The following ATE1 variants were observed in gnomAD, a reference collection of about 807,000 sequenced individuals.
ATE1 encodes the protein arginyltransferase 1.
A neutral mutation model predicts 70.5 loss-of-function variants in ATE1; 36 were observed. That is an observed-to-expected ratio of 0.51 (90% CI 0.39 to 0.67). ATE1 has a LOEUF of 0.67. Ranked by LOEUF, ATE1 falls within the 30% of genes least tolerant of loss-of-function variation. The pLI, the probability that ATE1 is intolerant of heterozygous loss-of-function variation, is 0.00. For synonymous variants in ATE1, 232 were observed against 219.3 expected, an observed-to-expected ratio of 1.06 and a Z score of -0.51; for missense variants, 593 against 629.5, an observed-to-expected ratio of 0.94 and a Z score of 0.62.
chr10:121,767,422 A>G (rs1945322661), intron 11 of ATE1, among the ~76,000 whole-genome samples: 1 of 152,190 alleles, frequency 6.6e-6, no homozygotes, highest in South Asian at 2.1e-4. Context: ...ACTAAAAGGC[A>G]GACAGACTGT....
rs115805588 is a variant in ATE1, at chr10:121,908,821, A to G, written c.583+2085T>C. Among the ~76,000 whole-genome samples the G allele has an allele frequency of 7.8e-3, 1,194 of 152,362 alleles. 17 individuals carry two copies. Among genetic ancestry groups the G allele is most frequent in the African/African-American group, 0.028 (1,154 of 41,586 alleles). ...CAAAAAAATAGACAAAAGAAAATTTAGCCTAGAATCTGATCAAGGCTCTAT... is the reference window on the plus strand; with the variant it reads ...CAAAAAAATAGACAAAAGAAAATTTGGCCTAGAATCTGATCAAGGCTCTAT... On this transcript the variant is annotated intron_variant, in intron 5 of 11. Transcript: ENST00000224652.
chr10:121,859,575 AT>A (rs1241026848), intron 8 of ATE1, among the ~76,000 whole-genome samples: 1 of 152,210 alleles, frequency 6.6e-6, no homozygotes, highest in African/African-American at 2.4e-5. Context: ...GATGTAATTA[AT>A]ATGATGGTTC....
Position 121,792,529 on chromosome 10 carries a change from G to A in ATE1, c.1258-2240C>T, listed in dbSNP as rs889734179. ...ACAGCAGTAGAAGGCCATCTACCAC[G>A]GGCAGCTCCAGGTGGTCTACAGACG... On this transcript the variant is annotated intron_variant, in intron 10 of 11. Transcript: ENST00000224652. Among the ~76,000 whole-genome samples, 16 of 152,252 alleles carry A rather than the reference G, an allele frequency of 1.1e-4. 1 individual carries two copies. Among genetic ancestry groups the A allele is most frequent in the Middle Eastern group, 3.4e-3 (1 of 294 alleles).
chr10:121,878,183 A>T (rs1950115510), intron 7 of ATE1, among the ~76,000 whole-genome samples: 1 of 152,230 alleles, frequency 6.6e-6, no homozygotes, highest in South Asian at 2.1e-4. Context: ...CAGTGATAGA[A>T]GGGTAGTTAA....
At chr10:121,746,391 G>A (rs868652100) in intron 11 of ATE1, among the ~76,000 whole-genome samples, 6 of 152,134 alleles carry the variant, frequency 3.9e-5, no homozygotes, top group South Asian at 2.1e-4. Context: ...AGACTTTCAC[G>A]CTGGGACACA....
intron 10 of ATE1, among the ~76,000 whole-genome samples, chr10:121,830,846 T>C (rs971330791): frequency 5.3e-5 from 8 of 152,310 alleles, no homozygotes; most frequent in Non-Finnish European, 1.2e-4. Flanking sequence ...ATTTTCGGAA[T>C]TCCCCCTCCC....
At chr10:121,857,985 T>C (rs1949309915) in intron 8 of ATE1, among the ~76,000 whole-genome samples, 1 of 152,210 alleles carries the variant, frequency 6.6e-6, no homozygotes, top group Non-Finnish European at 1.5e-5. Flanking sequence ...AGCATAATAT[T>C]GTAAAGGTTC....
chr10:121,901,943 A>G (rs372118633), intron 6 of ATE1, among the ~76,000 whole-genome samples: 1 of 152,296 alleles, frequency 6.6e-6, no homozygotes. Context: ...ATAATTCCTA[A>G]CTGCTGGCTT....
chr10:121,923,979 T>G (rs1437020893), intron 2 of ATE1, among the ~76,000 whole-genome samples: 1 of 152,194 alleles, frequency 6.6e-6, no homozygotes, highest in African/African-American at 2.4e-5. Context: ...CTGTTAAATA[T>G]TAAAAGGTGG....
chr10:121,856,300 T>C (rs7080717), intron 8 of ATE1, among the ~76,000 whole-genome samples: 123,232 of 151,958 alleles, frequency 0.81, 51,848 homozygotes, highest in Middle Eastern at 0.95. Context: ...GAGGCCAAGG[T>C]GAGCAGATCA....
intron 11 of ATE1, among the ~76,000 whole-genome samples, chr10:121,746,486 T>C (rs1180167019): frequency 2.6e-5 from 4 of 152,226 alleles, no homozygotes. Flanking sequence ...AAGCATTTTA[T>C]TTTTCTAAAT....
intron 10 of ATE1, among the ~76,000 whole-genome samples, chr10:121,802,888 G>C (rs1396296234): frequency 6.6e-6 from 1 of 152,084 alleles, no homozygotes; most frequent in African/African-American, 2.4e-5. Flanking sequence ...GTCCAAAAGG[G>C]GAGACAAACT....
chr10:121,875,308 G>GTTTTTTT (rs869073193), intron 7 of ATE1, among the ~76,000 whole-genome samples: 2 of 12,570 alleles, frequency 1.6e-4, no homozygotes, highest in Non-Finnish European at 1.9e-4. Context: ...GTTTTTTTTT[G>GTTTTTTT]TTTTTTTTTT....
intron 7 of ATE1, among the ~76,000 whole-genome samples, chr10:121,880,068 C>T (rs752540281): frequency 6.6e-6 from 1 of 151,732 alleles, no homozygotes; most frequent in Non-Finnish European, 1.5e-5. Context: ...AGCAGGAAAC[C>T]ACAATAAAGA....
intron 10 of ATE1, among the ~76,000 whole-genome samples, chr10:121,808,931 G>T (rs1413814794): frequency 6.6e-6 from 1 of 152,148 alleles, no homozygotes; most frequent in Non-Finnish European, 1.5e-5. Context: ...AAACTCTTTT[G>T]ATGTATCTTG....
At chr10:121,881,407 A>T (rs1362952826) in intron 7 of ATE1, among the ~76,000 whole-genome samples, 3 of 152,160 alleles carry the variant, frequency 2.0e-5, no homozygotes, top group African/African-American at 7.2e-5. Context: ...CTCCTGTATG[A>T]ACAAGAAGCT....
intron 3 of ATE1, among the ~76,000 whole-genome samples, chr10:121,919,952 G>C (rs371713994): frequency 6.6e-6 from 1 of 152,040 alleles, no homozygotes. Flanking sequence ...CTTTGGGCAG[G>C]AGGCCAGCTC....
intron 7 of ATE1, among the ~76,000 whole-genome samples, chr10:121,888,875 C>T (rs1950492653): frequency 1.3e-5 from 2 of 152,194 alleles, no homozygotes; most frequent in Non-Finnish European, 2.9e-5. Context: ...AATGAAACCA[C>T]ACTCAAAAGA....
chr10:121,872,209 G>A (rs1169743585), intron 7 of ATE1, among the ~76,000 whole-genome samples: 2 of 152,166 alleles, frequency 1.3e-5, no homozygotes, highest in Admixed American at 6.5e-5. Flanking sequence ...TAACAATGAA[G>A]ACAAGAATAT....
Sources: allele counts gnomAD v4.1 joint callset (sites outside exome capture counted in the v4.1 genomes callset), GRCh38; gene constraint gnomAD v4.1.1; transcripts MANE v1.5; gene names NCBI Gene and HGNC (gene_info 2026-07-23, HGNC 2026-07-21).